Variants in EYA1 observed in about 807,000 individuals in gnomAD.
The protein encoded by EYA1 is protein phosphatase EYA1.
EYA1 carries 16 observed loss-of-function variants against 82.0 expected under a neutral mutation model. The observed-to-expected ratio is 0.20, with a 90% CI of 0.13 to 0.30. The LOEUF is 0.30. EYA1 is among the 10% of genes least tolerant of loss of function. EYA1 has a pLI of 1.00. For missense variants in EYA1, 633 were observed against 730.7 expected, an observed-to-expected ratio of 0.87 and a Z score of 1.54; for synonymous variants, 261 against 264.4, an observed-to-expected ratio of 0.99 and a Z score of 0.12.
chr8:71,225,493 C>CAAAAGGAG (rs1215568026), intron 12 of EYA1, among the ~76,000 whole-genome samples: 98 of 152,258 alleles, frequency 6.4e-4, no homozygotes, highest in African/African-American at 2.3e-3. Flanking sequence ...GGATAAAAAA[C>CAAAAGGAG]AAAAGGAGTT....
At chr8:71,252,831 A>T (rs2128919074) in intron 11 of EYA1, among the ~76,000 whole-genome samples, 1 of 152,336 alleles carries the variant, frequency 6.6e-6, no homozygotes, top group Admixed American at 6.5e-5. Flanking sequence ...GCTTTAAGTT[A>T]GTCACATATA....
At chr8:71,278,207 G>GTC (rs145807280) in intron 9 of EYA1, among the ~76,000 whole-genome samples, 2,328 of 151,840 alleles carry the variant, frequency 0.015, 45 homozygotes, top group African/African-American at 0.053. Context: ...TTAGTTCTTT[G>GTC]TCTCTCTCTC....
chr8:71,303,619 A>G (rs146992730), intron 7 of EYA1, among the ~76,000 whole-genome samples: 2 of 141,688 alleles, frequency 1.4e-5, no homozygotes, highest in Admixed American at 1.4e-4. Context: ...CTGCCTTCAC[A>G]TAGGACTTAG....
At chr8:71,446,255 G>A (rs1353432594) in intron 2 of EYA1, among the ~76,000 whole-genome samples, 1 of 152,052 alleles carries the variant, frequency 6.6e-6, no homozygotes, top group East Asian at 1.9e-4. Context: ...GCGGGTCCTG[G>A]TAGGAGGTAA....
chr8:71,335,513 CT>C (rs930496354), intron 3 of EYA1, among the ~76,000 whole-genome samples: 1 of 152,164 alleles, frequency 6.6e-6, no homozygotes, highest in Non-Finnish European at 1.5e-5. Flanking sequence ...GGAAATCACT[CT>C]GCTGGATTGT....
intron 2 of EYA1, among the ~76,000 whole-genome samples, chr8:71,454,046 C>T (rs1435242221): frequency 1.3e-5 from 2 of 152,158 alleles, no homozygotes; most frequent in Admixed American, 6.5e-5. Flanking sequence ...CAGAGACACA[C>T]ATAGGCTCAA....
Position 71,480,080 on chromosome 8 carries a change from C to CA in EYA1, c.33+55663dup, listed in dbSNP as rs145645129. ...TCTTGTTCTAATTTCTTTCACTCCT[C>CA]AAAAAAAATAAAGAAGAAGAAAGAA... On this transcript the variant is annotated intron_variant, in intron 2 of 18. Transcript: ENST00000643681. 9.9e-3 allele frequency among the ~76,000 whole-genome samples: 1,501 copies of CA among 151,482 alleles called. 27 individuals are homozygous for CA. Among genetic ancestry groups the CA allele is most frequent in the African/African-American group, 0.034 (1,405 of 41,340 alleles).
intron 2 of EYA1, among the ~76,000 whole-genome samples, chr8:71,479,319 G>A (rs1563655012): frequency 6.6e-6 from 1 of 152,016 alleles, no homozygotes; most frequent in Non-Finnish European, 1.5e-5. Context: ...CCTTCCCCAC[G>A]AGGCCTGCCT....
At chr8:71,243,445 C>T (rs997833421) in intron 12 of EYA1, among the ~76,000 whole-genome samples, 5 of 152,106 alleles carry the variant, frequency 3.3e-5, no homozygotes, top group East Asian at 1.9e-4. Context: ...CATGTAATTT[C>T]TTCTTGAGGA....
chr8:71,233,849 A>G (rs1811518876), intron 12 of EYA1, among the ~76,000 whole-genome samples: 1 of 152,224 alleles, frequency 6.6e-6, no homozygotes, highest in Admixed American at 6.5e-5. Flanking sequence ...GACTACTATT[A>G]GAAAAATTTG....
intron 2 of EYA1, among the ~76,000 whole-genome samples, chr8:71,413,800 T>A (rs1830724124): frequency 6.6e-6 from 1 of 152,228 alleles, no homozygotes; most frequent in African/African-American, 2.4e-5. Flanking sequence ...TATGCAATTC[T>A]GAATTTTCAT....
intron 2 of EYA1, among the ~76,000 whole-genome samples, chr8:71,516,606 G>A (rs924852751): frequency 2.6e-5 from 4 of 152,072 alleles, no homozygotes; most frequent in African/African-American, 9.7e-5. Context: ...TGCACAGTAT[G>A]GCCAAAAATA....
intron 17 of EYA1, among the ~76,000 whole-genome samples, chr8:71,207,580 A>G (rs568715846): frequency 2.6e-5 from 4 of 152,224 alleles, no homozygotes; most frequent in South Asian, 2.1e-4. Flanking sequence ...AGCTAGGAGG[A>G]CTCATTTGGT....
At chr8:71,330,869 G>A (rs1366323458) in intron 4 of EYA1, among the ~76,000 whole-genome samples, 4 of 152,062 alleles carry the variant, frequency 2.6e-5, no homozygotes, top group African/African-American at 9.7e-5. Flanking sequence ...GTGTGTGTGT[G>A]TGTGTGTATG....
intron 2 of EYA1, among the ~76,000 whole-genome samples, chr8:71,491,873 A>AGTTTACTGAAT (rs1811020838): frequency 6.6e-6 from 1 of 152,234 alleles, no homozygotes. Flanking sequence ...GAATATAGCC[A>AGTTTACTGAAT]ACACAATTAT....
At chr8:71,271,709 T>A in intron 10 of EYA1, 49 bp downstream of exon 10, 1 of 1,612,164 alleles carries the variant, frequency 6.2e-7, no homozygotes, top group Non-Finnish European at 8.5e-7. Context: ...AACCACCAGT[T>A]AGCTATTAAG....
At chr8:71,394,041 C>A (rs546632021) in intron 2 of EYA1, among the ~76,000 whole-genome samples, 4 of 152,248 alleles carry the variant, frequency 2.6e-5, no homozygotes, top group East Asian at 1.9e-4. Flanking sequence ...CTGATGGCCA[C>A]TGATGATGAG....
At chr8:71,485,180 CTAAG>C (rs1810468615) in intron 2 of EYA1, among the ~76,000 whole-genome samples, 1 of 152,140 alleles carries the variant, frequency 6.6e-6, no homozygotes, top group African/African-American at 2.4e-5. Flanking sequence ...CAAATTCAAA[CTAAG>C]TAACATTAGA....
intron 4 of EYA1, among the ~76,000 whole-genome samples, chr8:71,329,041 T>C (rs1779748574): frequency 6.6e-6 from 1 of 152,234 alleles, no homozygotes; most frequent in Admixed American, 6.5e-5. Flanking sequence ...GGCTACAGTT[T>C]AGCAGGAAGA....
Sources: gnomAD v4.1 joint callset for allele counts (sites outside exome capture counted in the v4.1 genomes callset) on GRCh38, gnomAD v4.1.1 for gene constraint, MANE v1.5 for transcripts, NCBI Gene and HGNC (gene_info 2026-07-23, HGNC 2026-07-21) for gene names.